Variants in CDC42BPB observed in about 807,000 individuals in gnomAD.
CDC42BPB encodes serine/threonine-protein kinase MRCK beta.
In CDC42BPB, 37 loss-of-function variants were observed where a neutral mutation model predicts 214.9. That is an observed-to-expected ratio of 0.17 (90% confidence interval 0.13 to 0.23). The LOEUF (loss-of-function observed/expected upper bound fraction) is 0.23, where lower values mean the gene tolerates loss of function less well. CDC42BPB is among the 10% of genes least tolerant of loss of function. The pLI is 1.00. For missense variants in CDC42BPB, 1,694 were observed against 2,227.0 expected, an observed-to-expected ratio of 0.76 and a Z score of 4.82; for synonymous variants, 931 against 884.0, an observed-to-expected ratio of 1.05 and a Z score of -0.94.
intron 3 of CDC42BPB, among the ~76,000 whole-genome samples, chr14:103,005,061 G>A (rs1339445809): frequency 4.6e-5 from 7 of 151,722 alleles, no homozygotes; most frequent in South Asian, 4.2e-4. Flanking sequence ...CCAGCTACTC[G>A]GGAGGCTGAG....
chr14:102,943,543 C>A lies in CDC42BPB; in HGVS notation c.4408+348G>T, dbSNP rs1450856577. ...TACTGTGTAAGTTTCTGTATTATCA[C>A]GAGGAAGGCCTTTTAAATGAGAGAT... On this transcript the variant is annotated intron_variant, in intron 30 of 36. Transcript: ENST00000361246. The surrounding 1 kb of genome is among the most constrained non-coding windows in gnomAD (Gnocchi z 4.6). 6.6e-6 allele frequency among the ~76,000 whole-genome samples: 1 copy of A among 151,940 alleles called. No homozygotes were observed. Among genetic ancestry groups the A allele is most frequent in the Non-Finnish European group, 1.5e-5 (1 of 68,014 alleles).
At chr14:102,940,390 G>A (rs1000303895) in intron 30 of CDC42BPB, 66 bp from the exon 31 acceptor site, 1 of 1,546,788 alleles carries the variant, frequency 6.5e-7, no homozygotes, top group Admixed American at 2.0e-5. Context: ...CCTCGGGCCG[G>A]AGGCCAAGCC....
chr14:102,974,171 C>T (rs765368475), intron 11 of CDC42BPB, 22 bp from the exon 12 acceptor site: 27 of 1,611,820 alleles, frequency 1.7e-5, no homozygotes, highest in Non-Finnish European at 2.1e-5. Context: ...AGGAAATAAA[C>T]TCTGTTCCTT....
rs1458844299 is a variant in CDC42BPB at position 102,932,555 on chromosome 14, G to C, written c.*1157C>G. The C allele has an allele frequency of 6.6e-6, 1 of 152,486 alleles. No individual in the cohort carries two copies. Among genetic ancestry groups the C allele is most frequent in the African/African-American group, 2.4e-5 (1 of 41,424 alleles). The allele number at this position is 152,486 out of a possible 1,614,324, so 9.4% of individuals were successfully genotyped here. On this transcript the variant is annotated 3_prime_UTR_variant, in exon 37 of 37. Transcript: ENST00000361246. ...GGGCAGTGGGGTGGCAGGGCTAGGC[G>C]GTGCTGGGCCACTCAGTGCCGACTT...
At chr14:103,002,989 C>T (rs1895059847) in intron 4 of CDC42BPB, among the ~76,000 whole-genome samples, 1 of 152,144 alleles carries the variant, frequency 6.6e-6, no homozygotes, top group Non-Finnish European at 1.5e-5. Flanking sequence ...CACACTACTC[C>T]ATCTGCTGTG....
chr14:102,959,566 T>C, intron 21 of CDC42BPB, 65 bp downstream of exon 21: 1 of 1,117,412 alleles, frequency 8.9e-7, no homozygotes, highest in Non-Finnish European at 1.3e-6. Flanking sequence ...GGTAAAATCA[T>C]ATATGACACT....
At chr14:103,033,235 G>GT (rs2139714401) in intron 1 of CDC42BPB, among the ~76,000 whole-genome samples, 1 of 151,520 alleles carries the variant, frequency 6.6e-6, no homozygotes, top group Admixed American at 6.6e-5. Flanking sequence ...TTTTTTGTTT[G>GT]TTTTGAGACG....
At chr14:102,972,210 G>T (rs1274601721) in intron 12 of CDC42BPB, 49 bp from the exon 13 acceptor site, 4 of 1,597,032 alleles carry the variant, frequency 2.5e-6, no homozygotes, top group Non-Finnish European at 3.4e-6. Context: ...ACAAAGGCTT[G>T]GAAGGCTGGA....
intron 30 of CDC42BPB, chr14:102,941,127 C>A: frequency 1.0e-6 from 1 of 985,426 alleles, no homozygotes; most frequent in Non-Finnish European, 1.2e-6. Context: ...CCGCTCAGTC[C>A]CTCTGTGTGG....
At chr14:103,056,183 G>C (rs1006741347) in intron 1 of CDC42BPB, among the ~76,000 whole-genome samples, 1 of 152,008 alleles carries the variant, frequency 6.6e-6, no homozygotes, top group Non-Finnish European at 1.5e-5. Context: ...AACTAGAGAA[G>C]GCATGCAAAA....
Position 102,955,214 on chromosome 14 carries a change from G to A in CDC42BPB, c.2902-526C>T, listed in dbSNP as rs35844697. Reference sequence around the variant, plus strand: ...GAGGGGGGCAGACCACCTGAAGTCAGGATTTTGAGACCAGCCTGGCCAACA... The same window carrying A: ...GAGGGGGGCAGACCACCTGAAGTCAAGATTTTGAGACCAGCCTGGCCAACA... On this transcript the variant is annotated intron_variant, in intron 21 of 36. Transcript: ENST00000361246. Among the ~76,000 whole-genome samples the A allele has an allele frequency of 3.3e-3, 507 of 152,336 alleles. 5 individuals carry two copies. Among genetic ancestry groups the A allele is most frequent in the African/African-American group, 0.012 (494 of 41,564 alleles).
chr14:103,056,884 G>C, intron 1 of CDC42BPB, 115 bp downstream of exon 1: 2 of 684,810 alleles, frequency 2.9e-6, no homozygotes, highest in South Asian at 5.4e-5. Flanking sequence ...CACGAGCTGG[G>C]TGGGCAGGAG....
At chr14:103,034,447 A>T (rs1887555394) in intron 1 of CDC42BPB, among the ~76,000 whole-genome samples, 1 of 152,262 alleles carries the variant, frequency 6.6e-6, no homozygotes, top group African/African-American at 2.4e-5. Flanking sequence ...GCAGTATTTT[A>T]AGCATCATTA....
intron 27 of CDC42BPB, 150 bp downstream of exon 27, chr14:102,947,571 G>C: frequency 1.4e-6 from 1 of 709,318 alleles, no homozygotes; most frequent in Non-Finnish European, 2.5e-6. Context: ...TGGCCAGGAC[G>C]GGACGCACAA....
intron 1 of CDC42BPB, among the ~76,000 whole-genome samples, chr14:103,045,456 C>T (rs1419789524): frequency 6.6e-6 from 1 of 152,134 alleles, no homozygotes; most frequent in South Asian, 2.1e-4. Flanking sequence ...GACCCCTGCA[C>T]CCTCCCAGCC....
intron 1 of CDC42BPB, among the ~76,000 whole-genome samples, chr14:103,047,378 G>C (rs932115824): frequency 2.0e-5 from 3 of 149,496 alleles, no homozygotes; most frequent in African/African-American, 4.9e-5. Flanking sequence ...CAATCAAAAA[G>C]ACCCACCAAA....
chr14:103,029,582 C>T (rs1005799713), intron 1 of CDC42BPB, among the ~76,000 whole-genome samples: 3 of 145,556 alleles, frequency 2.1e-5, no homozygotes, highest in African/African-American at 5.1e-5. Context: ...ATTGGCCAGG[C>T]GTGGTGGCTC....
intron 18 of CDC42BPB, 101 bp from the exon 19 acceptor site, chr14:102,964,751 G>A (rs1425592926): frequency 2.8e-6 from 4 of 1,420,268 alleles, no homozygotes; most frequent in Admixed American, 3.1e-5. Flanking sequence ...AAGCCATTAC[G>A]GTCTCATTTA....
intron 4 of CDC42BPB, 92 bp from the exon 5 acceptor site, chr14:102,999,805 A>G: frequency 6.5e-7 from 1 of 1,545,930 alleles, no homozygotes; most frequent in Non-Finnish European, 8.8e-7. Flanking sequence ...CGAGGTTCTC[A>G]GGCTCCAGGT....
Sources: allele counts gnomAD v4.1 joint callset (sites outside exome capture counted in the v4.1 genomes callset), GRCh38; gene constraint gnomAD v4.1.1; non-coding constraint Gnocchi (gnomAD v3.1); transcripts MANE v1.5; gene names NCBI Gene and HGNC (gene_info 2026-07-23, HGNC 2026-07-21).